TECTA: variants seen among roughly 807,000 people sequenced by gnomAD.
The protein encoded by TECTA is tectorin alpha.
Under a neutral mutation model 216.8 loss-of-function variants are expected in TECTA, and 128 were observed. The ratio of observed to expected loss-of-function variants is 0.59; its 90% confidence interval spans 0.51 to 0.68. TECTA has a LOEUF of 0.68. Ranked by LOEUF, TECTA falls within the 30% of genes least tolerant of loss-of-function variation. The probability of loss-of-function intolerance (pLI) is 0.00; values close to 1 mark genes in which losing one functional copy is unlikely to be tolerated. For missense variants in TECTA, 2,551 were observed against 2,786.2 expected (o/e 0.92, Z 1.90); for synonymous variants, 1,089 against 1,117.1 (o/e 0.97, Z 0.50).
In TECTA at chr11:121,191,045, C is replaced by A; in HGVS notation, c.*239C>A. The A allele has an allele frequency of 2.4e-6, 1 of 424,138 alleles. No individual in the cohort carries two copies. The highest frequency in any genetic ancestry group is 4.4e-6 in the Non-Finnish European group (1 of 227,072). The allele number at this position is 424,138 out of a possible 1,614,324, so 26.3% of individuals were successfully genotyped here. On this transcript the variant is annotated 3_prime_UTR_variant, in exon 24 of 24. Transcript: ENST00000392793. ...AAAGTATCTCTCTTGTGTAAAATTC[C>A]CAAACAGTTGTCACTAGAGACTTTG...
chr11:121,169,029 A>G, intron 20 of TECTA, 104 bp downstream of exon 20: 1 of 1,572,150 alleles, frequency 6.4e-7, no homozygotes, highest in Non-Finnish European at 8.7e-7. Context: ...TTGGCTGCCT[A>G]CAAGGCCAGA....
chr11:121,162,497 G>A, intron 16 of TECTA, 127 bp downstream of exon 16: 1 of 1,274,490 alleles, frequency 7.8e-7, no homozygotes, highest in Non-Finnish European at 1.1e-6. Flanking sequence ...TTCCAGGATT[G>A]GATAGTAGAG....
rs1300740898 is a variant in TECTA, at chr11:121,165,368, C to A, written c.5368C>A (p.Pro1790Thr). 6.3e-7 allele frequency: 1 copy of A among 1,591,626 alleles called. No homozygotes were observed. The highest frequency in any genetic ancestry group is 8.6e-7 in the Non-Finnish European group (1 of 1,168,536). Reference protein sequence around the residue: ...GRELCGCIEPPPYGNNSHDII... With the variant: ...GRELCGCIEPTPYGNNSHDII... ...GGAGCTGTGTGGCTGCATCGAGCCA[C>A]CCCCCTATGGAAATAGTGAGTGACA... The change falls in exon 17 of 24, where the codon CCC (proline) becomes ACC (threonine). Residue 1790 changes from proline to threonine, a missense_variant. By Grantham distance (38) the Pro-to-Thr change is conservative (BLOSUM62 -1). Coordinates refer to ENST00000392793, the MANE Select transcript of TECTA (RefSeq NM_005422.4).
At chr11:121,123,014 G>T (rs61013776) in intron 7 of TECTA, among the ~76,000 whole-genome samples, 1 of 152,104 alleles carries the variant, frequency 6.6e-6, no homozygotes, top group African/African-American at 2.4e-5. Flanking sequence ...TGCATGTGGC[G>T]CCTGCCACGG....
At position 121,123,751 on chromosome 11, in the gene TECTA, A is replaced by G. The variant is rs558774748; in HGVS notation, c.1204-1551A>G. Among the ~76,000 whole-genome samples the G allele has an allele frequency of 3.1e-4, 47 of 152,216 alleles. 1 individual carries two copies. The South Asian group carries it at 9.4e-3, about 30-fold the overall frequency. On this transcript the variant is annotated intron_variant, in intron 7 of 23. Coordinates refer to ENST00000392793, the MANE Select transcript of TECTA (RefSeq NM_005422.4). ...ATCGTGCGGACTTTTTGTTTTAAAC[A>G]CTCCCTGGGCTCTCCATCTTGCTCA...
chr11:121,129,198 C>T (rs1269025312), intron 9 of TECTA, among the ~76,000 whole-genome samples: 1 of 152,148 alleles, frequency 6.6e-6, no homozygotes, highest in Non-Finnish European at 1.5e-5. Flanking sequence ...GAAGAATGGA[C>T]AGCTAGATCA....
chr11:121,114,001 T>G (rs1430771976), intron 6 of TECTA, among the ~76,000 whole-genome samples: 1 of 152,194 alleles, frequency 6.6e-6, no homozygotes, highest in Non-Finnish European at 1.5e-5. Context: ...GAGTGATTTC[T>G]GAGCCAGAGG....
At chr11:121,158,713 G>A (rs1946969460) in intron 14 of TECTA, among the ~76,000 whole-genome samples, 1 of 151,866 alleles carries the variant, frequency 6.6e-6, no homozygotes, top group Admixed American at 6.6e-5. Context: ...CCCATTATCC[G>A]AGGGCCCCGT....
At chr11:121,139,217 A>G (rs1411620956) in intron 11 of TECTA, among the ~76,000 whole-genome samples, 2 of 152,176 alleles carry the variant, frequency 1.3e-5, no homozygotes, top group Non-Finnish European at 2.9e-5. Context: ...TCCTCCTAAC[A>G]GTTTATTCCA....
At chr11:121,169,534 C>T (rs1032818135) in intron 20 of TECTA, among the ~76,000 whole-genome samples, 3 of 152,136 alleles carry the variant, frequency 2.0e-5, no homozygotes, top group African/African-American at 7.2e-5. Context: ...AGACAGTTTA[C>T]ATTTATTGCA....
At chr11:121,190,671 C>A in intron 23 of TECTA, 35 bp from the exon 24 acceptor site, 1 of 1,510,248 alleles carries the variant, frequency 6.6e-7, no homozygotes, top group Non-Finnish European at 9.2e-7. Flanking sequence ...TATTTTTCCC[C>A]CCATAGGGCT....
chr11:121,124,636 C>T (rs1173964258), intron 7 of TECTA, among the ~76,000 whole-genome samples: 1 of 152,228 alleles, frequency 6.6e-6, no homozygotes, highest in East Asian at 1.9e-4. Context: ...AGACTGAGGG[C>T]TCCTTGAGGG....
chr11:121,116,392 G>A (rs1356756480), intron 6 of TECTA, among the ~76,000 whole-genome samples: 2 of 152,188 alleles, frequency 1.3e-5, no homozygotes, highest in African/African-American at 4.8e-5. Flanking sequence ...ACTGGCTATG[G>A]CCATACAACA....
In TECTA at chr11:121,129,989, C is replaced by T. The variant is rs764424917; in HGVS notation, c.2719C>T (p.Arg907Ter). 3.7e-6 allele frequency: 6 copies of T among 1,604,940 alleles called. No individual in the cohort carries two copies. The highest frequency in any genetic ancestry group is 1.7e-5 in the Admixed American group (1 of 59,478). The part of the protein sequence containing the change: ...NNDSELLKFY[R>*]SRSRCGIIND... Reference sequence around the variant, plus strand: ...TGACTCGGAGCTGCTCAAGTTTTATCGAAGCCGCTCCAGGTGCGGCATCAT... The same window carrying T: ...TGACTCGGAGCTGCTCAAGTTTTATTGAAGCCGCTCCAGGTGCGGCATCAT... Residue 907 changes from arginine to a stop codon, truncating the protein, a stop_gained, in exon 10 of 24, where the codon CGA (arginine) becomes TGA (stop). Coordinates refer to ENST00000392793, the MANE Select transcript of TECTA (RefSeq NM_005422.4). LOFTEE classifies it high-confidence loss of function.
At chr11:121,177,245 G>A (rs1157105034) in intron 20 of TECTA, among the ~76,000 whole-genome samples, 3 of 152,214 alleles carry the variant, frequency 2.0e-5, no homozygotes, top group Non-Finnish European at 4.4e-5. Context: ...GAGGAGGAGA[G>A]GCGCTCTGCT....
chr11:121,144,747 G>A (rs777407796), intron 11 of TECTA, among the ~76,000 whole-genome samples: 3 of 152,136 alleles, frequency 2.0e-5, no homozygotes, highest in East Asian at 3.8e-4. Flanking sequence ...GGGAGACATC[G>A]TGCTGGGTGC....
At chr11:121,144,471 G>C (rs1049785295) in intron 11 of TECTA, among the ~76,000 whole-genome samples, 1 of 152,048 alleles carries the variant, frequency 6.6e-6, no homozygotes, top group East Asian at 1.9e-4. Flanking sequence ...GTTGGGGGAA[G>C]GGATTTCTGG....
Position 121,105,643 on chromosome 11 carries a change from C to T in TECTA, c.65-188C>T, listed in dbSNP as rs997414719. ...GGAGAAACAATGTCACTCCCATTTT[C>T]CCGTTTCCCAGAGCAGAAGATACTG... On this transcript the variant is annotated intron_variant, in intron 2 of 23. Coordinates refer to ENST00000392793, the MANE Select transcript of TECTA (RefSeq NM_005422.4). The surrounding 1 kb of genome is among the most constrained non-coding windows in gnomAD (Gnocchi z 5.3). 2.0e-5 allele frequency among the ~76,000 whole-genome samples: 3 copies of T among 152,232 alleles called. No homozygotes were observed. Among genetic ancestry groups the T allele is most frequent in the Admixed American group, 1.3e-4 (2 of 15,284 alleles).
At chr11:121,181,962 C>A (rs1378058770) in intron 20 of TECTA, among the ~76,000 whole-genome samples, 1 of 152,162 alleles carries the variant, frequency 6.6e-6, no homozygotes, top group Admixed American at 6.5e-5. Flanking sequence ...TGAGTGGACA[C>A]AGCAGTGTGG....
Sources: gnomAD v4.1 joint callset for allele counts (sites outside exome capture counted in the v4.1 genomes callset) on GRCh38, gnomAD v4.1.1 for gene constraint, Gnocchi (gnomAD v3.1) non-coding constraint, MANE v1.5 for transcripts, NCBI Gene and HGNC (gene_info 2026-07-23, HGNC 2026-07-21) for gene names.